MAPK8: variants seen among roughly 807,000 people sequenced by gnomAD.
MAPK8 encodes mitogen-activated protein kinase 8.
In MAPK8, 13 loss-of-function variants were observed where a neutral mutation model predicts 52.9. That is an observed-to-expected ratio of 0.25 (90% CI 0.16 to 0.39). The LOEUF (loss-of-function observed/expected upper bound fraction) is 0.39, where lower values mean the gene tolerates loss of function less well. MAPK8 is among the 10% of genes least tolerant of loss of function. The probability of loss-of-function intolerance (pLI) is 1.00; values close to 1 mark genes in which losing one functional copy is unlikely to be tolerated. For missense variants in MAPK8, 300 were observed against 519.2 expected (o/e 0.58, Z 4.10); for synonymous variants, 191 against 169.8 (o/e 1.12, Z -0.97).
At chr10:48,430,958 A>G in intron 10 of MAPK8, 1 of 531,918 alleles carries the variant, frequency 1.9e-6, no homozygotes, top group Non-Finnish European at 3.3e-6. Context: ...AACTTCAGAA[A>G]CAGTGAATTA....
At chr10:48,400,245 C>T (rs1190810805) in intron 1 of MAPK8, among the ~76,000 whole-genome samples, 1 of 152,240 alleles carries the variant, frequency 6.6e-6, no homozygotes, top group Non-Finnish European at 1.5e-5. Context: ...TGGAGCACTA[C>T]ATGACTAGTC....
At chr10:48,366,143 C>G (rs1463590792) in intron 1 of MAPK8, among the ~76,000 whole-genome samples, 1 of 151,282 alleles carries the variant, frequency 6.6e-6, no homozygotes, top group Non-Finnish European at 1.5e-5. Context: ...CCTGCTATAA[C>G]TTTTTGTTGG....
At chr10:48,415,167 G>T (rs1302459173) in intron 5 of MAPK8, among the ~76,000 whole-genome samples, 1 of 152,104 alleles carries the variant, frequency 6.6e-6, no homozygotes, top group Non-Finnish European at 1.5e-5. Flanking sequence ...CTCTTTAAAT[G>T]GGAGAGTATT....
At chr10:48,415,315 A>G (rs2043004497) in intron 5 of MAPK8, among the ~76,000 whole-genome samples, 1 of 152,120 alleles carries the variant, frequency 6.6e-6, no homozygotes, top group Non-Finnish European at 1.5e-5. Context: ...TGATTTTAGT[A>G]AAGCACACCC....
intron 1 of MAPK8, chr10:48,308,162 A>G (rs749160458): frequency 6.6e-6 from 1 of 152,206 alleles, no homozygotes; most frequent in Non-Finnish European, 1.5e-5. Flanking sequence ...CGTTAAACCT[A>G]GGAGGTCAGA....
chr10:48,348,419 T>C (rs1845993913), intron 1 of MAPK8, among the ~76,000 whole-genome samples: 1 of 152,226 alleles, frequency 6.6e-6, no homozygotes, highest in Admixed American at 6.5e-5. Context: ...ATTTTGGTTT[T>C]TGTTGCCATT....
chr10:48,394,152 CAAAA>C (rs1447091021), intron 1 of MAPK8, among the ~76,000 whole-genome samples: 2 of 151,902 alleles, frequency 1.3e-5, no homozygotes, highest in East Asian at 3.9e-4. Flanking sequence ...AACATTCCCT[CAAAA>C]AGAAAACAAC....
intron 1 of MAPK8, among the ~76,000 whole-genome samples, chr10:48,375,085 T>G (rs1206045614): frequency 6.6e-6 from 1 of 152,194 alleles, no homozygotes; most frequent in African/African-American, 2.4e-5. Context: ...TGGTTCAACA[T>G]ATGCAAATCA....
chr10:48,374,095 C>T (rs570377074), intron 1 of MAPK8, among the ~76,000 whole-genome samples: 7 of 152,272 alleles, frequency 4.6e-5, no homozygotes, highest in African/African-American at 1.7e-4. Flanking sequence ...GAAACTCACT[C>T]AAAAACGCAC....
chr10:48,408,033 C>T (rs118120392), intron 3 of MAPK8, among the ~76,000 whole-genome samples: 106 of 152,172 alleles, frequency 7.0e-4, no homozygotes, highest in Non-Finnish European at 1.2e-3. Flanking sequence ...ATTATTTTTC[C>T]GAATTTATTC....
At chr10:48,413,716 G>A (rs528942658) in intron 5 of MAPK8, among the ~76,000 whole-genome samples, 1 of 150,206 alleles carries the variant, frequency 6.7e-6, no homozygotes, top group Non-Finnish European at 1.5e-5. Context: ...TTGCTCTGAA[G>A]TGAAGCAGTA....
intron 1 of MAPK8, among the ~76,000 whole-genome samples, chr10:48,349,975 A>C (rs981308971): frequency 2.6e-5 from 4 of 152,250 alleles, no homozygotes; most frequent in African/African-American, 9.6e-5. Flanking sequence ...ACCGTCAGAG[A>C]ATACTATAAA....
At chr10:48,362,090 C>A (rs983088944) in intron 1 of MAPK8, among the ~76,000 whole-genome samples, 4 of 152,092 alleles carry the variant, frequency 2.6e-5, no homozygotes, top group Non-Finnish European at 5.9e-5. Context: ...TTCATCGTAC[C>A]TTTTTCCAGC....
chr10:48,353,477 CAGT>C (rs1170668470), intron 1 of MAPK8, among the ~76,000 whole-genome samples: 1 of 152,208 alleles, frequency 6.6e-6, no homozygotes, highest in Admixed American at 6.5e-5. Context: ...AAAAGAGACT[CAGT>C]GGAGGAAAGT....
chr10:48,324,388 C>T (rs1283950764), intron 1 of MAPK8, among the ~76,000 whole-genome samples: 2 of 152,048 alleles, frequency 1.3e-5, no homozygotes, highest in African/African-American at 4.8e-5. Flanking sequence ...CTGCCCCTCT[C>T]CTCCAAAAAG....
chr10:48,341,240 G>A (rs1342109055), intron 1 of MAPK8, among the ~76,000 whole-genome samples: 1 of 152,208 alleles, frequency 6.6e-6, no homozygotes, highest in Non-Finnish European at 1.5e-5. Context: ...CTAAACAGCT[G>A]TGGGTCTGGG....
chr10:48,389,445 A>T (rs533337731), intron 1 of MAPK8, among the ~76,000 whole-genome samples: 2 of 152,310 alleles, frequency 1.3e-5, no homozygotes, highest in East Asian at 3.9e-4. Flanking sequence ...TGGTTCTGCC[A>T]CTTTGTCCAT....
intron 1 of MAPK8, among the ~76,000 whole-genome samples, chr10:48,360,274 C>T (rs1847399949): frequency 6.6e-6 from 1 of 152,142 alleles, no homozygotes. Flanking sequence ...TGCCCAGTCT[C>T]CTTAGTATTT....
intron 1 of MAPK8, among the ~76,000 whole-genome samples, chr10:48,373,923 A>C (rs1485839711): frequency 6.6e-6 from 1 of 152,098 alleles, no homozygotes; most frequent in African/African-American, 2.4e-5. Flanking sequence ...AGAACTCTCC[A>C]CCCCAAATCA....
Sources: gnomAD v4.1 joint callset for allele counts (sites outside exome capture counted in the v4.1 genomes callset) on GRCh38, gnomAD v4.1.1 for gene constraint, MANE v1.5 for transcripts, NCBI Gene and HGNC (gene_info 2026-07-23, HGNC 2026-07-21) for gene names.